Variants in RGS6 observed in about 807,000 individuals in gnomAD.
RGS6 encodes regulator of G-protein signaling 6.
In RGS6, 30 loss-of-function variants were observed where a neutral mutation model predicts 78.5. The observed-to-expected ratio is 0.38, with a 90% CI of 0.29 to 0.52. The LOEUF (loss-of-function observed/expected upper bound fraction) is 0.52. Among genes scored for constraint, RGS6 ranks in the 20% least tolerant of loss-of-function variants. RGS6 has a pLI of 0.85. For missense variants in RGS6, 495 were observed against 609.7 expected (o/e 0.81, Z 1.98); for synonymous variants, 206 against 206.0 (o/e 1.00, Z 0.00).
intron 2 of RGS6, among the ~76,000 whole-genome samples, chr14:72,245,650 G>A (rs1439660517): frequency 2.6e-5 from 4 of 152,320 alleles, no homozygotes; most frequent in South Asian, 2.1e-4. Context: ...CAGCTTGGGC[G>A]TTATGGTCAT....
chr14:72,451,299 G>A (rs2153225538), intron 3 of RGS6, among the ~76,000 whole-genome samples: 1 of 152,324 alleles, frequency 6.6e-6, no homozygotes, highest in East Asian at 1.9e-4. Context: ...TGGTCTCCAT[G>A]GGGCTAGGGA....
intron 2 of RGS6, among the ~76,000 whole-genome samples, chr14:72,319,294 C>T (rs532354717): frequency 5.0e-4 from 75 of 151,470 alleles, no homozygotes; most frequent in Non-Finnish European, 7.5e-4. Flanking sequence ...AATATGGTGA[C>T]GTGAGAAGAG....
At chr14:72,298,901 C>T (rs2065459992) in intron 2 of RGS6, among the ~76,000 whole-genome samples, 1 of 152,156 alleles carries the variant, frequency 6.6e-6, no homozygotes. Flanking sequence ...GGGAACCTCT[C>T]CAGGTTGGGA....
chr14:72,520,933 G>C lies in RGS6; in HGVS notation c.1278+2396G>C, dbSNP rs138373002. ...ATATTCCAGTCTTTGCCCTTACCCA[G>C]AATAAGCTGTTTCTCCAAGGATCCC... On this transcript the variant is annotated intron_variant, in intron 15 of 17. Transcript: ENST00000553525. Among the ~76,000 whole-genome samples, 63 of 152,306 alleles carry C rather than the reference G, an allele frequency of 4.1e-4. No homozygotes were observed. The East Asian group carries it at 0.012, about 28-fold the overall frequency.
chr14:72,182,886 C>T (rs959833884), intron 2 of RGS6, among the ~76,000 whole-genome samples: 13 of 152,178 alleles, frequency 8.5e-5, no homozygotes, highest in African/African-American at 3.1e-4. Flanking sequence ...GTGTTGTTGT[C>T]GTTGATGATT....
chr14:72,529,309 C>G (rs2097153965), intron 15 of RGS6, among the ~76,000 whole-genome samples: 1 of 152,214 alleles, frequency 6.6e-6, no homozygotes, highest in Non-Finnish European at 1.5e-5. Flanking sequence ...TCTGCTATTA[C>G]TGCTGTGGTC....
chr14:72,510,651 T>A (rs4419001), intron 14 of RGS6, among the ~76,000 whole-genome samples: 24,331 of 152,196 alleles, frequency 0.16, 2,053 homozygotes, highest in African/African-American at 0.21. Flanking sequence ...AACTTCCCAG[T>A]CTGGGGTCCT....
chr14:71,873,361 G>A, the RGS6 span, among the ~76,000 whole-genome samples: 6 of 152,160 alleles, frequency 3.9e-5, no homozygotes, highest in East Asian at 1.2e-3. Flanking sequence ...GTATCTCATT[G>A]TGGTTTTGAT....
chr14:72,096,011 G>A (rs1401101176), intron 2 of RGS6, among the ~76,000 whole-genome samples: 3 of 152,212 alleles, frequency 2.0e-5, no homozygotes, highest in Admixed American at 2.0e-4. Context: ...GCTCACGCCT[G>A]TAATCCCAGC....
chr14:72,479,978 G>C (rs563745267), intron 12 of RGS6, among the ~76,000 whole-genome samples: 1 of 152,202 alleles, frequency 6.6e-6, no homozygotes, highest in Admixed American at 6.5e-5. Context: ...TAGAAAGAGC[G>C]TATATATGGG....
At position 71,956,353 on chromosome 14, in the gene RGS6, G is replaced by GTA. The variant is rs989941356; in HGVS notation, c.-20-8418_-20-8417insAT. 2.7e-3 allele frequency among the ~76,000 whole-genome samples: 160 copies of GTA among 58,852 alleles called. 1 individual carries two copies. The highest frequency in any genetic ancestry group is 3.2e-3 in the Non-Finnish European group (100 of 31,652). The allele number at this position is 58,852 out of a possible 152,430, so 38.6% of individuals were successfully genotyped here. A position where few individuals can be genotyped will look rare whatever the true frequency, so the allele number is the denominator to read the frequency against. On this transcript the variant is annotated intron_variant, in intron 1 of 17. Coordinates refer to ENST00000553525, the MANE Select transcript of RGS6 (RefSeq NM_001204424.2). ...ATAGTGTGTGTGTGTGTGTGTGTGT[G>GTA]TGTGTATATTCTATTTTTATATATA...
At chr14:72,012,548 C>T (rs1276604704) in intron 2 of RGS6, among the ~76,000 whole-genome samples, 1 of 152,206 alleles carries the variant, frequency 6.6e-6, no homozygotes, top group African/African-American at 2.4e-5. Context: ...ATTTTCCCCA[C>T]TTCTCTGCTT....
chr14:72,353,173 A>G (rs2079473537), intron 3 of RGS6, among the ~76,000 whole-genome samples: 1 of 152,212 alleles, frequency 6.6e-6, no homozygotes, highest in African/African-American at 2.4e-5. Flanking sequence ...TACCATATGA[A>G]CCAGCAATCC....
At chr14:72,123,539 T>C (rs1452906039) in intron 2 of RGS6, among the ~76,000 whole-genome samples, 1 of 152,198 alleles carries the variant, frequency 6.6e-6, no homozygotes, top group Non-Finnish European at 1.5e-5. Flanking sequence ...GCATGACATG[T>C]GACCGTAATG....
At chr14:72,499,704 G>A (rs1420331104) in intron 13 of RGS6, among the ~76,000 whole-genome samples, 1 of 151,766 alleles carries the variant, frequency 6.6e-6, no homozygotes, top group African/African-American at 2.4e-5. Flanking sequence ...CTGAGCTCTG[G>A]GCTTTTGCCT....
At chr14:72,088,779 C>T (rs2095155207) in intron 2 of RGS6, among the ~76,000 whole-genome samples, 1 of 152,126 alleles carries the variant, frequency 6.6e-6, no homozygotes, top group Admixed American at 6.6e-5. Flanking sequence ...GCCTATGTTC[C>T]CCTCCTCATC....
chr14:72,460,176 T>G (rs761255738), intron 6 of RGS6, among the ~76,000 whole-genome samples: 10 of 152,228 alleles, frequency 6.6e-5, no homozygotes, highest in Non-Finnish European at 1.5e-4. Flanking sequence ...GAAGTCACTC[T>G]GGACTAGGAA....
At chr14:72,094,157 T>G (rs1449832614) in intron 2 of RGS6, among the ~76,000 whole-genome samples, 1 of 152,224 alleles carries the variant, frequency 6.6e-6, no homozygotes, top group Non-Finnish European at 1.5e-5. Context: ...TTTATGTGCT[T>G]TCTTTATCGA....
chr14:72,543,059 T>C (rs1197636884), intron 17 of RGS6, among the ~76,000 whole-genome samples: 1 of 152,214 alleles, frequency 6.6e-6, no homozygotes, highest in East Asian at 1.9e-4. Flanking sequence ...AGCAAATGTC[T>C]GGGGACACTG....
Sources: gnomAD v4.1 joint callset for allele counts (sites outside exome capture counted in the v4.1 genomes callset) on GRCh38, gnomAD v4.1.1 for gene constraint, MANE v1.5 for transcripts, NCBI Gene and HGNC (gene_info 2026-07-23, HGNC 2026-07-21) for gene names.